CADPS: variants seen among roughly 807,000 people sequenced by gnomAD.
CADPS encodes calcium-dependent secretion activator 1.
A neutral mutation model predicts 167.3 loss-of-function variants in CADPS; 57 were observed. The observed-to-expected ratio is 0.34, with a 90% CI of 0.28 to 0.42. The LOEUF is 0.42. Among genes scored for constraint, CADPS ranks in the 20% least tolerant of loss-of-function variants. CADPS has a pLI of 1.00. For synonymous variants in CADPS, 676 were observed against 635.3 expected (o/e 1.06, Z -0.96); for missense variants, 1,414 against 1,738.1 (o/e 0.81, Z 3.32).
chr3:62,593,633 T>C (rs1044920517), intron 6 of CADPS, among the ~76,000 whole-genome samples: 1 of 152,176 alleles, frequency 6.6e-6, no homozygotes, highest in African/African-American at 2.4e-5. Context: ...TCTGCTCCAA[T>C]CTCACAAGCC....
intron 12 of CADPS, among the ~76,000 whole-genome samples, chr3:62,535,661 T>C (rs903675699): frequency 1.3e-5 from 2 of 152,074 alleles, no homozygotes; most frequent in Admixed American, 6.6e-5. Context: ...TAGCATTTAC[T>C]TTTAAGAAAT....
chr3:62,712,990 C>T (rs931716393), intron 3 of CADPS, among the ~76,000 whole-genome samples: 1 of 152,186 alleles, frequency 6.6e-6, no homozygotes, highest in Non-Finnish European at 1.5e-5. Context: ...AGAGTAACCA[C>T]ATCAGGACTT....
At chr3:62,578,535 G>A (rs1279130243) in intron 8 of CADPS, among the ~76,000 whole-genome samples, 1 of 150,138 alleles carries the variant, frequency 6.7e-6, no homozygotes, top group Non-Finnish European at 1.5e-5. Flanking sequence ...GAGTGAACCC[G>A]GGAGGCGGAG....
intron 3 of CADPS, among the ~76,000 whole-genome samples, chr3:62,712,104 CTTAA>C (rs904164584): frequency 1.3e-5 from 2 of 152,130 alleles, no homozygotes; most frequent in Admixed American, 6.6e-5. Flanking sequence ...TTTTAAACAA[CTTAA>C]TTGATGGCAT....
chr3:62,588,227 A>T (rs1221986742), intron 7 of CADPS, among the ~76,000 whole-genome samples: 2 of 151,742 alleles, frequency 1.3e-5, no homozygotes, highest in Non-Finnish European at 2.9e-5. Flanking sequence ...ACCCCAGGAA[A>T]GAATCCCTGT....
chr3:62,584,002 C>A, intron 8 of CADPS, among the ~76,000 whole-genome samples: 1 of 119,086 alleles, frequency 8.4e-6, no homozygotes, highest in Middle Eastern at 5.3e-3. Context: ...TCTACCCAAT[C>A]CTCTTTTTTT....
intron 3 of CADPS, 53 bp from the exon 4 acceptor site, chr3:62,662,447 A>G (rs1169381275): frequency 6.7e-7 from 1 of 1,498,380 alleles, no homozygotes; most frequent in Non-Finnish European, 9.3e-7. Context: ...AAGTGCCAAT[A>G]AACTCAGGAC....
At chr3:62,747,313 T>C (rs1328197063) in intron 3 of CADPS, among the ~76,000 whole-genome samples, 4 of 152,120 alleles carry the variant, frequency 2.6e-5, no homozygotes, top group African/African-American at 9.7e-5. Context: ...GATGAAGAAA[T>C]AGAGTCTGGC....
chr3:62,424,026 C>T (rs1268871096), intron 28 of CADPS, among the ~76,000 whole-genome samples: 1 of 152,106 alleles, frequency 6.6e-6, no homozygotes, highest in Non-Finnish European at 1.5e-5. Context: ...TTTTTTCTCT[C>T]CCTAAAAGCC....
intron 6 of CADPS, chr3:62,625,639 C>G (rs1249617552): frequency 6.6e-6 from 1 of 150,720 alleles, no homozygotes; most frequent in Non-Finnish European, 1.5e-5. Flanking sequence ...TCCTTTTATA[C>G]CTCCTTTTTA....
chr3:62,755,522 C>A (rs1040232464), intron 2 of CADPS, among the ~76,000 whole-genome samples: 4 of 152,210 alleles, frequency 2.6e-5, no homozygotes, highest in African/African-American at 9.7e-5. Flanking sequence ...TCAGGAAATG[C>A]ACTTGTTGGC....
At chr3:62,571,945 G>A (rs989599936) in intron 8 of CADPS, among the ~76,000 whole-genome samples, 3 of 152,106 alleles carry the variant, frequency 2.0e-5, no homozygotes, top group African/African-American at 7.2e-5. Context: ...ACCGATCTAG[G>A]AATCCAGGCC....
At chr3:62,652,199 A>C (rs1400877544) in intron 4 of CADPS, among the ~76,000 whole-genome samples, 1 of 152,120 alleles carries the variant, frequency 6.6e-6, no homozygotes, top group African/African-American at 2.4e-5. Context: ...AGATGGAGAC[A>C]GTCTTTCATC....
At chr3:62,612,739 T>C (rs547958061) in intron 6 of CADPS, among the ~76,000 whole-genome samples, 16 of 152,324 alleles carry the variant, frequency 1.1e-4, no homozygotes, top group African/African-American at 3.8e-4. Context: ...TGGACAGCTG[T>C]CCTTGCTGTA....
intron 7 of CADPS, among the ~76,000 whole-genome samples, chr3:62,592,203 G>C (rs945212396): frequency 6.6e-6 from 1 of 152,056 alleles, no homozygotes; most frequent in Non-Finnish European, 1.5e-5. Context: ...TTAGATCTTT[G>C]AGTATGTACA....
chr3:62,844,500 G>A (rs2077098188), intron 1 of CADPS, among the ~76,000 whole-genome samples: 1 of 152,002 alleles, frequency 6.6e-6, no homozygotes, highest in South Asian at 2.1e-4. Context: ...CTTTACTGAG[G>A]AGCAAACCAC....
chr3:62,728,057 G>A lies in CADPS; in HGVS notation c.888+25384C>T, dbSNP rs10212224. Among the ~76,000 whole-genome samples the A allele has an allele frequency of 6.7e-3, 1,022 of 151,896 alleles. 41 individuals are homozygous for A. Among genetic ancestry groups the A allele is most frequent in the African/African-American group, 0.023 (961 of 41,240 alleles). On this transcript the variant is annotated intron_variant, in intron 3 of 29. Coordinates refer to ENST00000383710, the MANE Select transcript of CADPS (RefSeq NM_003716.4). ...CAAGGCCAATAGAGCATATGGTACT[G>A]TTATTTTTCAAGTGGGGAAATTGAG... is the stretch of plus-strand genomic sequence containing the variant.
intron 3 of CADPS, among the ~76,000 whole-genome samples, chr3:62,731,816 A>AAAAAAC (rs2077909537): frequency 1.1e-5 from 1 of 87,122 alleles, no homozygotes; most frequent in Non-Finnish European, 2.1e-5. Context: ...AAAAAAAAAA[A>AAAAAAC]AAAAAAAAAA....
chr3:62,828,973 G>T (rs2152976835), intron 1 of CADPS, among the ~76,000 whole-genome samples: 1 of 152,244 alleles, frequency 6.6e-6, no homozygotes, highest in East Asian at 1.9e-4. Context: ...TACCTTACAT[G>T]GGTAGTCCCT....
Sources: allele counts gnomAD v4.1 joint callset (sites outside exome capture counted in the v4.1 genomes callset), GRCh38; gene constraint gnomAD v4.1.1; transcripts MANE v1.5; gene names NCBI Gene and HGNC (gene_info 2026-07-23, HGNC 2026-07-21).